HIVEP3: variants seen among roughly 807,000 people sequenced by gnomAD.
HIVEP3 encodes the protein HIVEP zinc finger 3, also known as transcription factor HIVEP3.
Under a neutral mutation model 152.8 loss-of-function variants are expected in HIVEP3, and 49 were observed. The ratio of observed to expected loss-of-function variants is 0.32; its 90% CI spans 0.26 to 0.41. The LOEUF (loss-of-function observed/expected upper bound fraction) is 0.41. Among genes scored for constraint, HIVEP3 ranks in the 10% least tolerant of loss-of-function variants. The pLI is 1.00. For synonymous variants in HIVEP3, 1,269 were observed against 1,289.0 expected (o/e 0.98, Z 0.33); for missense variants, 2,790 against 3,103.3 (o/e 0.90, Z 2.40).
At chr1:41,647,045 G>C (rs1220886574) in intron 2 of HIVEP3, among the ~76,000 whole-genome samples, 1 of 152,160 alleles carries the variant, frequency 6.6e-6, no homozygotes, top group Non-Finnish European at 1.5e-5. Context: ...TGACTCTTCT[G>C]CCTCTGTTTA....
At chr1:41,825,308 T>C (rs1642766699) in intron 1 of HIVEP3, among the ~76,000 whole-genome samples, 1 of 151,972 alleles carries the variant, frequency 6.6e-6, no homozygotes, top group African/African-American at 2.4e-5. Flanking sequence ...TGTTACAAAG[T>C]ACATTCACAA....
At chr1:41,845,419 GCACACACACACACACACACACA>G (rs3032007) in intron 1 of HIVEP3, among the ~76,000 whole-genome samples, 1 of 136,074 alleles carries the variant, frequency 7.3e-6, no homozygotes, top group Non-Finnish European at 1.6e-5. Flanking sequence ...ACACACACAC[GCACACACACACACACACACACA>G]CACACACACA....
intron 5 of HIVEP3, chr1:41,535,546 T>C (rs534325475): frequency 6.6e-6 from 1 of 152,382 alleles, no homozygotes; most frequent in East Asian, 1.9e-4. Flanking sequence ...GGCTGACTTA[T>C]GGAGTAATTT....
At chr1:41,993,658 C>T (rs1645377097) in intron 1 of HIVEP3, among the ~76,000 whole-genome samples, 1 of 151,882 alleles carries the variant, frequency 6.6e-6, no homozygotes, top group Non-Finnish European at 1.5e-5. Context: ...GGGTATATAC[C>T]CAAAGGACTA....
At chr1:41,796,484 G>A (rs1431447990) in intron 1 of HIVEP3, among the ~76,000 whole-genome samples, 1 of 152,244 alleles carries the variant, frequency 6.6e-6, no homozygotes, top group Admixed American at 6.5e-5. Flanking sequence ...CGTAAAATGA[G>A]GGGTTAAATT....
chr1:41,617,562 G>A (rs1432961737), intron 3 of HIVEP3, among the ~76,000 whole-genome samples: 1 of 152,238 alleles, frequency 6.6e-6, no homozygotes, highest in African/African-American at 2.4e-5. Context: ...CTCTTAAAGT[G>A]CGGCACCGCC....
chr1:41,691,380 T>C (rs1646196428), intron 2 of HIVEP3, among the ~76,000 whole-genome samples: 1 of 152,210 alleles, frequency 6.6e-6, no homozygotes, highest in South Asian at 2.1e-4. Context: ...ACTACTGACA[T>C]GACCATCTGC....
intron 1 of HIVEP3, among the ~76,000 whole-genome samples, chr1:41,871,024 C>T (rs1488472930): frequency 6.6e-5 from 10 of 152,340 alleles, no homozygotes; most frequent in African/African-American, 2.2e-4. Context: ...TAAGTACTCA[C>T]TAAATGTCAG....
chr1:41,835,905 TA>T (rs2124362643), intron 1 of HIVEP3, among the ~76,000 whole-genome samples: 1 of 152,334 alleles, frequency 6.6e-6, no homozygotes, highest in South Asian at 2.1e-4. Context: ...AATAAAAGAT[TA>T]TTTTTTATGT....
At chr1:41,968,672 C>T (rs1645212579) in intron 1 of HIVEP3, among the ~76,000 whole-genome samples, 1 of 152,148 alleles carries the variant, frequency 6.6e-6, no homozygotes, top group Non-Finnish European at 1.5e-5. Flanking sequence ...CCTCTCTCAC[C>T]ACTCCTATTC....
At chr1:41,837,547 A>G (rs1470837002) in intron 1 of HIVEP3, among the ~76,000 whole-genome samples, 1 of 152,092 alleles carries the variant, frequency 6.6e-6, no homozygotes. Context: ...GCTGGTCTCC[A>G]ACTCCCGACC....
At chr1:41,849,444 C>T (rs547326071) in intron 1 of HIVEP3, among the ~76,000 whole-genome samples, 3 of 152,250 alleles carry the variant, frequency 2.0e-5, no homozygotes, top group Admixed American at 1.3e-4. Context: ...CTGGAAGCAG[C>T]CTGCCTCCTT....
intron 1 of HIVEP3, among the ~76,000 whole-genome samples, chr1:41,727,687 C>T (rs1646777347): frequency 6.6e-6 from 1 of 152,222 alleles, no homozygotes; most frequent in Non-Finnish European, 1.5e-5. Flanking sequence ...TGCTCCGTCA[C>T]TTTGGGCCAG....
chr1:41,521,252 T>A (rs1215065844), intron 6 of HIVEP3, among the ~76,000 whole-genome samples: 1 of 152,146 alleles, frequency 6.6e-6, no homozygotes, highest in African/African-American at 2.4e-5. Context: ...CCCATGTGAG[T>A]CACTCTATTG....
chr1:41,607,674 C>T (rs1385120993), intron 3 of HIVEP3, among the ~76,000 whole-genome samples: 1 of 151,534 alleles, frequency 6.6e-6, no homozygotes, highest in African/African-American at 2.4e-5. Context: ...TTTGGTTATC[C>T]AATATATTTA....
Position 41,584,303 on chromosome 1 carries a change from C to T in HIVEP3, c.495G>A (p.Val165=). ...EDLPGVPKVF[V]PRPSQVSLKP... Reference sequence around the variant, plus strand: ...TCAAGGAGACCTGGGAAGGACGAGGCACGAAGACTTTGGGGACTCCAGGAA... The same window carrying T: ...TCAAGGAGACCTGGGAAGGACGAGGTACGAAGACTTTGGGGACTCCAGGAA... The change falls in exon 4 of 9, where the codon GTG becomes GTA. Residue 165 remains valine, a synonymous_variant. Coordinates refer to ENST00000372583, the MANE Select transcript of HIVEP3 (RefSeq NM_024503.5). The surrounding 1 kb of genome is among the most constrained non-coding windows in gnomAD (Gnocchi z 5.2). 1 of 1,613,718 alleles carries T rather than the reference C, an allele frequency of 6.2e-7. No homozygotes were observed. The highest frequency in any genetic ancestry group is 2.2e-5 in the East Asian group (1 of 44,868).
At chr1:41,551,534 T>C (rs1643894063) in intron 5 of HIVEP3, among the ~76,000 whole-genome samples, 1 of 152,218 alleles carries the variant, frequency 6.6e-6, no homozygotes. Context: ...GGTAGGCTAT[T>C]AATTATTGCC....
intron 1 of HIVEP3, among the ~76,000 whole-genome samples, chr1:41,742,124 G>C (rs765563077): frequency 1.2e-4 from 18 of 152,150 alleles, no homozygotes; most frequent in Non-Finnish European, 5.9e-5. Context: ...TCGAGGTGGG[G>C]CTGGTACCAA....
chr1:41,579,988 C>T lies in HIVEP3; in HGVS notation c.4810G>A (p.Val1604Ile). ...QFPSLHTTTN[V>I]SWCYLNYIKP... ...ATGTAGTTTAAATAGCACCAACTGA[C>T]ATTAGTGGTTGTGTGGAGGCTGGGG... Residue 1604 changes from valine (V) to isoleucine (I), a missense_variant, in exon 4 of 9, where the codon GTC becomes ATC. Val to Ile is a conservative substitution (Grantham distance 29). This residue lies in a region of HIVEP3 where 1,078 missense variants were observed against 1,165.3 expected (regional missense o/e 0.93). Coordinates refer to ENST00000372583, the MANE Select transcript of HIVEP3 (RefSeq NM_024503.5). The T allele has an allele frequency of 6.2e-7, 1 of 1,614,222 alleles. No individual in the cohort carries two copies. The highest frequency in any genetic ancestry group is 8.5e-7 in the Non-Finnish European group (1 of 1,180,050).
Sources: gnomAD v4.1 joint callset for allele counts (sites outside exome capture counted in the v4.1 genomes callset) on GRCh38, gnomAD v4.1.1 for gene constraint, gnomAD v4.1.1 regional missense constraint, Gnocchi (gnomAD v3.1) non-coding constraint, MANE v1.5 for transcripts, NCBI Gene and HGNC (gene_info 2026-07-23, HGNC 2026-07-21) for gene names.